Variants in DPY19L2 observed in about 807,000 individuals in gnomAD.
DPY19L2 encodes probable C-mannosyltransferase DPY19L2.
A neutral mutation model predicts 97.9 loss-of-function variants in DPY19L2; 34 were observed. The ratio of observed to expected loss-of-function variants is 0.35; its 90% CI spans 0.26 to 0.46. DPY19L2 has a LOEUF of 0.46. Ranked by LOEUF, DPY19L2 falls within the 20% of genes least tolerant of loss-of-function variation. The pLI is 1.00. For synonymous variants in DPY19L2, 230 were observed against 307.9 expected (o/e 0.75, Z 2.65); for missense variants, 623 against 911.4 (o/e 0.68, Z 4.07).
rs1029343265 is a variant in DPY19L2 at position 63,664,812 on chromosome 12, C to T, written c.363-967G>A. Among the ~76,000 whole-genome samples, 2 of 152,158 alleles carry T rather than the reference C, an allele frequency of 1.3e-5. 1 individual carries two copies. The highest frequency in any genetic ancestry group is 4.8e-5 in the African/African-American group (2 of 41,438). The stretch of plus-strand genomic sequence containing the variant: ...TTAACCCTGTTTTCCACTAACCCTT[C>T]TTTACATGTAGGCCATATGCCAGGG... On this transcript the variant is annotated intron_variant, in intron 2 of 21. Transcript: ENST00000324472.
intron 6 of DPY19L2, among the ~76,000 whole-genome samples, chr12:63,628,287 C>A (rs760345579): frequency 3.3e-5 from 5 of 152,266 alleles, no homozygotes; most frequent in East Asian, 1.9e-4. Flanking sequence ...ACCCAGGAAG[C>A]GCAAGGGGTC....
intron 13 of DPY19L2, 122 bp downstream of exon 13, chr12:63,600,184 T>C: frequency 1.4e-6 from 1 of 739,898 alleles, no homozygotes; most frequent in South Asian, 2.0e-5. Context: ...ATAACTCGTC[T>C]AGAGACCTTA....
intron 6 of DPY19L2, among the ~76,000 whole-genome samples, chr12:63,627,509 C>A (rs141336078): frequency 0.013 from 2,035 of 152,172 alleles, 22 homozygotes; most frequent in Non-Finnish European, 0.021. Context: ...TGCCACCACA[C>A]CTGGCGATTT....
chr12:63,573,558 T>C (rs1214185196), intron 19 of DPY19L2, among the ~76,000 whole-genome samples: 2 of 151,994 alleles, frequency 1.3e-5, no homozygotes, highest in African/African-American at 4.8e-5. Flanking sequence ...TTCTCAAAGC[T>C]AGAGAAAATA....
chr12:63,623,248 C>CA (rs1194770992), intron 8 of DPY19L2, among the ~76,000 whole-genome samples: 12 of 145,242 alleles, frequency 8.3e-5, no homozygotes, highest in Non-Finnish European at 1.1e-4. Flanking sequence ...AAAGTGTATC[C>CA]AAAAAAAAAA....
chr12:63,614,188 C>CT (rs1212742617), intron 11 of DPY19L2, among the ~76,000 whole-genome samples: 124 of 72,604 alleles, frequency 1.7e-3, no homozygotes, highest in Admixed American at 3.9e-3. Context: ...GAAACTCCGT[C>CT]TCAAAAAAAA....
At position 63,560,461 on chromosome 12, in the gene DPY19L2, A is replaced by G. The variant is rs1199160140; in HGVS notation, c.*51T>C. On this transcript the variant is annotated 3_prime_UTR_variant, in exon 22 of 22. Coordinates refer to ENST00000324472, the MANE Select transcript of DPY19L2 (RefSeq NM_173812.5). ...ATTAATGTGAATAAGCCAAAGGGTG[A>G]TTGTTTTTGACACACGGCATTGTGC... 6.3e-7 allele frequency: 1 copy of G among 1,579,374 alleles called. No individual in the cohort carries two copies. Among genetic ancestry groups the G allele is most frequent in the East Asian group, 2.3e-5 (1 of 44,242 alleles).
chr12:63,668,229 G>A lies in DPY19L2; in HGVS notation c.165C>T (p.Ser55=), dbSNP rs2136179651. 1 of 1,613,828 alleles carries A rather than the reference G, an allele frequency of 6.2e-7. No individual in the cohort carries two copies. Among genetic ancestry groups the A allele is most frequent in the Non-Finnish European group, 8.5e-7 (1 of 1,179,896 alleles). The part of the protein sequence containing the change: ...GKLPRGSWRS[S]PGRIQSLKER... ...CTTTCAGACTTTGGATCCTCCCCGG[G>A]GAGGACCTCCAGGAGCCCCTTGGCA... The change falls in exon 1 of 22, where the codon TCC becomes TCT. Residue 55 remains serine, a synonymous_variant. Transcript: ENST00000324472.
chr12:63,668,343 G>T lies in DPY19L2; in HGVS notation c.51C>A (p.Ser17Arg), dbSNP rs747234378. ...SSKRLQSSGR[S>R]QSKGRRGASL... ...AGGCCCCGCGCCGCCCCTTAGACTG[G>T]CTGCGGCCGGAAGATTGCAGCCGCT... The change falls in exon 1 of 22, where the codon AGC becomes AGA. Residue 17 changes from serine to arginine, a missense_variant. This residue lies in a region of DPY19L2 where 144 missense variants were observed against 119.4 expected (regional missense o/e 1.21). Coordinates refer to ENST00000324472, the MANE Select transcript of DPY19L2 (RefSeq NM_173812.5). 1 of 1,613,436 alleles carries T rather than the reference G, an allele frequency of 6.2e-7. No individual in the cohort carries two copies.
chr12:63,660,316 C>T (rs3965196), intron 4 of DPY19L2, among the ~76,000 whole-genome samples: 9,893 of 151,246 alleles, frequency 0.065, 350 homozygotes, highest in Middle Eastern at 0.093. Flanking sequence ...ATTCATAAAA[C>T]GGTTAAAATT....
intron 5 of DPY19L2, 88 bp from the exon 6 acceptor site, chr12:63,644,584 A>G (rs1313087213): frequency 8.5e-6 from 13 of 1,523,580 alleles, no homozygotes; most frequent in Non-Finnish European, 1.1e-5. Flanking sequence ...TGCAATCAAG[A>G]GCTCATGAAT....
intron 6 of DPY19L2, among the ~76,000 whole-genome samples, chr12:63,641,188 G>A (rs1892641040): frequency 6.6e-6 from 1 of 152,064 alleles, no homozygotes; most frequent in African/African-American, 2.4e-5. Context: ...ACAGGAGTGA[G>A]CCACTGCTCC....
chr12:63,560,670 A>C lies in DPY19L2; in HGVS notation c.2127-8T>G. The C allele has an allele frequency of 6.2e-7, 1 of 1,613,668 alleles. No individual in the cohort carries two copies. Among genetic ancestry groups the C allele is most frequent in the Non-Finnish European group, 8.5e-7 (1 of 1,179,722 alleles). On this transcript the variant is annotated splice_polypyrimidine_tract_variant and splice_region_variant and intron_variant, in intron 21 of 21. Coordinates refer to ENST00000324472, the MANE Select transcript of DPY19L2 (RefSeq NM_173812.5). ...AGCATACTGCAACCAGGCCTGAAAA[A>C]AGACAGACATATATATCCATATTAG...
chr12:63,578,499 G>A (rs1478311516), intron 19 of DPY19L2, among the ~76,000 whole-genome samples: 2 of 152,098 alleles, frequency 1.3e-5, no homozygotes, highest in Admixed American at 1.3e-4. Flanking sequence ...TGCTTCAGGT[G>A]ATGGATACTC....
At chr12:63,655,410 T>C (rs1894834938) in intron 4 of DPY19L2, among the ~76,000 whole-genome samples, 1 of 152,170 alleles carries the variant, frequency 6.6e-6, no homozygotes, top group African/African-American at 2.4e-5. Context: ...GAAATTTGCA[T>C]AGTTTCATTC....
At chr12:63,626,652 A>G in intron 6 of DPY19L2, 126 bp from the exon 7 acceptor site, 1 of 1,257,254 alleles carries the variant, frequency 8.0e-7, no homozygotes. Flanking sequence ...TCATAGTACT[A>G]AACCATACCC....
intron 12 of DPY19L2, among the ~76,000 whole-genome samples, chr12:63,600,827 C>T (rs953762664): frequency 2.0e-5 from 3 of 151,270 alleles, no homozygotes; most frequent in Non-Finnish European, 2.9e-5. Flanking sequence ...TCTCTGTCCC[C>T]CAGGCCGGAG....
chr12:63,587,980 C>T (rs937090007), intron 16 of DPY19L2, among the ~76,000 whole-genome samples: 2 of 152,162 alleles, frequency 1.3e-5, no homozygotes, highest in Admixed American at 6.5e-5. Context: ...ATGCTACACA[C>T]ATCATGGGAT....
At position 63,668,109 on chromosome 12, in the gene DPY19L2, C is replaced by G; in HGVS notation, c.285G>C (p.Lys95Asn). The G allele has an allele frequency of 6.2e-7, 1 of 1,614,020 alleles. No individual in the cohort carries two copies. The highest frequency in any genetic ancestry group is 1.1e-5 in the South Asian group (1 of 91,070). The change falls in exon 1 of 22, where the codon AAG becomes AAC. Residue 95 changes from lysine (K) to asparagine (N), a missense_variant. Coordinates refer to ENST00000324472, the MANE Select transcript of DPY19L2 (RefSeq NM_173812.5). The part of the protein sequence containing the change: ...VRNSLAQLRE[K>N]VQELQARRFS... Reference sequence around the variant, plus strand: ...ACCGCCGCGCCTGCAGTTCCTGCACCTTTTCCCGGAGCTGCGCCAGGGAAT... The same window carrying G: ...ACCGCCGCGCCTGCAGTTCCTGCACGTTTTCCCGGAGCTGCGCCAGGGAAT...
Sources: allele counts gnomAD v4.1 joint callset (sites outside exome capture counted in the v4.1 genomes callset), GRCh38; gene constraint gnomAD v4.1.1; regional missense constraint gnomAD v4.1.1; transcripts MANE v1.5; gene names NCBI Gene and HGNC (gene_info 2026-07-23, HGNC 2026-07-21).